The following RAP1GAP2 variants were observed in gnomAD, a reference collection of about 807,000 sequenced individuals.
RAP1GAP2 encodes the protein rap1 GTPase-activating protein 2.
A neutral mutation model predicts 95.0 loss-of-function variants in RAP1GAP2; 27 were observed. That is an observed-to-expected ratio of 0.28 (90% CI 0.21 to 0.39). RAP1GAP2 has a LOEUF of 0.39. Ranked by LOEUF, RAP1GAP2 falls within the 10% of genes least tolerant of loss-of-function variation. RAP1GAP2 has a pLI of 1.00. For synonymous variants in RAP1GAP2, 373 were observed against 380.9 expected (o/e 0.98, Z 0.24); for missense variants, 771 against 970.0 (o/e 0.79, Z 2.72).
rs2070643848 is a variant in RAP1GAP2 at position 2,827,860 on chromosome 17, T to A, written c.80+27310T>A. Among the ~76,000 whole-genome samples the A allele has an allele frequency of 6.6e-6, 1 of 150,960 alleles. No homozygotes were observed. Among genetic ancestry groups the A allele is most frequent in the African/African-American group, 2.4e-5 (1 of 40,982 alleles). On this transcript the variant is annotated intron_variant, in intron 2 of 24. Coordinates refer to ENST00000254695, the MANE Select transcript of RAP1GAP2 (RefSeq NM_015085.5). This position sits in a 1 kb window ranked among gnomAD's most constrained non-coding sequence, Gnocchi z 4.1. ...AACAAGGGGGAGGGTTCATACACGA[T>A]CGGTTGCAGCAGGCACGCCAGTGAC...
intron 3 of RAP1GAP2, among the ~76,000 whole-genome samples, chr17:2,905,989 G>A (rs1008111153): frequency 2.0e-5 from 3 of 152,196 alleles, no homozygotes; most frequent in African/African-American, 7.2e-5. Context: ...TTTTCAGTCC[G>A]ACGCCTCGGC....
chr17:2,801,065 G>A (rs907397781), intron 2 of RAP1GAP2, among the ~76,000 whole-genome samples: 3 of 151,158 alleles, frequency 2.0e-5, no homozygotes, highest in African/African-American at 7.3e-5. Flanking sequence ...GGCCAGGCTG[G>A]TCTCAATCTC....
rs555287015 is a variant in RAP1GAP2 at position 2,914,085 on chromosome 17, A to T, written c.165+8717A>T. 3.3e-5 allele frequency among the ~76,000 whole-genome samples: 5 copies of T among 151,876 alleles called. No individual in the cohort carries two copies. In the South Asian group the frequency reaches 1.0e-3, roughly 32 times the overall value. ...ACGGGGTTTCACCATGTTGGCCAGG[A>T]TGGTCTCGAACTCCCAACCTCAAGT... On this transcript the variant is annotated intron_variant, in intron 3 of 24. Transcript: ENST00000254695.
intron 8 of RAP1GAP2, among the ~76,000 whole-genome samples, chr17:2,978,582 T>C (rs7225897): frequency 0.71 from 107,351 of 152,032 alleles, 38,043 homozygotes; most frequent in African/African-American, 0.76. Context: ...CGTGGTTGAC[T>C]GCAGGTAGCT....
At chr17:2,926,822 T>C (rs1381017049) in intron 3 of RAP1GAP2, among the ~76,000 whole-genome samples, 1 of 151,662 alleles carries the variant, frequency 6.6e-6, no homozygotes, top group Admixed American at 6.6e-5. Context: ...CTGGCCAACA[T>C]GGTGAAACCC....
At chr17:2,944,500 C>CTGT (rs145517462) in intron 3 of RAP1GAP2, among the ~76,000 whole-genome samples, 6,252 of 152,208 alleles carry the variant, frequency 0.041, 254 homozygotes, top group African/African-American at 0.1. Flanking sequence ...GTTCATATGC[C>CTGT]TGTTATTGCC....
intron 3 of RAP1GAP2, among the ~76,000 whole-genome samples, chr17:2,911,034 T>C (rs1282193109): frequency 5.3e-5 from 8 of 152,144 alleles, no homozygotes; most frequent in Non-Finnish European, 1.2e-4. Context: ...AAACTAGTTT[T>C]GGTCAAGTGC....
intron 2 of RAP1GAP2, among the ~76,000 whole-genome samples, chr17:2,872,978 C>T (rs560656915): frequency 6.6e-6 from 1 of 151,958 alleles, no homozygotes; most frequent in East Asian, 2.0e-4. Context: ...TGGTGGGTGT[C>T]TGTAATCCCA....
chr17:3,010,199 G>T (rs2151619066), intron 17 of RAP1GAP2, among the ~76,000 whole-genome samples: 1 of 152,054 alleles, frequency 6.6e-6, no homozygotes, highest in Middle Eastern at 3.4e-3. Context: ...AATTAGCCGG[G>T]CGTGGTGACG....
intron 11 of RAP1GAP2, among the ~76,000 whole-genome samples, chr17:2,986,902 G>A (rs545518616): frequency 7.2e-5 from 11 of 152,310 alleles, no homozygotes; most frequent in Non-Finnish European, 1.6e-4. Context: ...CCACAGTCTG[G>A]CCTCATGACC....
chr17:2,944,155 C>CA (rs2043618177), intron 3 of RAP1GAP2, among the ~76,000 whole-genome samples: 2 of 37,450 alleles, frequency 5.3e-5, no homozygotes, highest in African/African-American at 1.1e-4. Flanking sequence ...CTCAAAACAG[C>CA]AAAACCAAAA....
chr17:2,767,934 G>A (rs142093370), intron 1 of RAP1GAP2, among the ~76,000 whole-genome samples: 19 of 152,124 alleles, frequency 1.2e-4, no homozygotes, highest in East Asian at 5.8e-4. Flanking sequence ...AGGTTTCACC[G>A]TATTAGCCAG....
chr17:2,844,445 A>T (rs2071498796), intron 2 of RAP1GAP2, among the ~76,000 whole-genome samples: 1 of 152,166 alleles, frequency 6.6e-6, no homozygotes, highest in Non-Finnish European at 1.5e-5. Context: ...AACAGGAGTG[A>T]TGGAGGCTAG....
At chr17:2,894,390 A>G (rs2073818994) in intron 2 of RAP1GAP2, among the ~76,000 whole-genome samples, 1 of 152,236 alleles carries the variant, frequency 6.6e-6, no homozygotes, top group Non-Finnish European at 1.5e-5. Flanking sequence ...AGATCGCGCC[A>G]CTGCTCTCCA....
intron 3 of RAP1GAP2, among the ~76,000 whole-genome samples, chr17:2,918,791 G>C (rs1010950878): frequency 1.3e-5 from 2 of 152,152 alleles, no homozygotes; most frequent in Non-Finnish European, 2.9e-5. Context: ...TGAGATTTGA[G>C]TGGGGACACA....
chr17:2,796,447 G>C lies in RAP1GAP2; in HGVS notation c.-81G>C. On this transcript the variant is annotated 5_prime_UTR_variant, in exon 1 of 25. Transcript: ENST00000254695. The surrounding 1 kb of genome is among the most constrained non-coding windows in gnomAD (Gnocchi z 4.7). ...CCCGCCCTGCACCGGCACTGACCCC[G>C]CTGTACCACGGCCCTCTTGCGGACA... 6.7e-7 allele frequency: 1 copy of C among 1,492,834 alleles called. No individual in the cohort carries two copies. The highest frequency in any genetic ancestry group is 9.1e-7 in the Non-Finnish European group (1 of 1,095,570). 92.5% of individuals were successfully genotyped at this position (1,492,834 alleles called of 1,614,324 possible). A position where few individuals can be genotyped will look rare whatever the true frequency, so the allele number is the denominator to read the frequency against.
intron 4 of RAP1GAP2, among the ~76,000 whole-genome samples, chr17:2,958,863 G>A (rs1171952764): frequency 3.3e-5 from 5 of 152,080 alleles, no homozygotes; most frequent in East Asian, 1.9e-4. Flanking sequence ...GAGGGGAGAC[G>A]CTGTTTGAAG....
At chr17:2,780,214 C>T (rs1424708805) in intron 1 of RAP1GAP2, among the ~76,000 whole-genome samples, 1 of 152,190 alleles carries the variant, frequency 6.6e-6, no homozygotes, top group Non-Finnish European at 1.5e-5. Flanking sequence ...CCACGTCCTA[C>T]TAATTTTTGT....
At chr17:2,883,011 T>C (rs1405157367) in intron 2 of RAP1GAP2, among the ~76,000 whole-genome samples, 1 of 152,212 alleles carries the variant, frequency 6.6e-6, no homozygotes, top group Non-Finnish European at 1.5e-5. Context: ...GGCCCCCTGA[T>C]GGTCCTGGGC....
Sources: gnomAD v4.1 joint callset for allele counts (sites outside exome capture counted in the v4.1 genomes callset) on GRCh38, gnomAD v4.1.1 for gene constraint, Gnocchi (gnomAD v3.1) non-coding constraint, MANE v1.5 for transcripts, NCBI Gene and HGNC (gene_info 2026-07-23, HGNC 2026-07-21) for gene names.